Variants in AUTS2 observed in about 807,000 individuals in gnomAD.
AUTS2 encodes activator of transcription and developmental regulator AUTS2, also known as autism susceptibility gene 2 protein.
Under a neutral mutation model 112.4 loss-of-function variants are expected in AUTS2, and 17 were observed. The observed-to-expected ratio is 0.15, with a 90% CI of 0.10 to 0.23. The LOEUF (loss-of-function observed/expected upper bound fraction) is 0.23, where lower values mean the gene tolerates loss of function less well. AUTS2 is among the 10% of genes least tolerant of loss of function. The pLI, the probability that AUTS2 is intolerant of heterozygous loss-of-function variation, is 1.00. For missense variants in AUTS2, 1,510 were observed against 1,701.6 expected (o/e 0.89, Z 1.98); for synonymous variants, 751 against 702.7 (o/e 1.07, Z -1.09).
chr7:70,559,767 T>G (rs961619861), intron 5 of AUTS2, among the ~76,000 whole-genome samples: 11 of 152,202 alleles, frequency 7.2e-5, no homozygotes, highest in Non-Finnish European at 5.9e-5. Flanking sequence ...TCTGGATTCC[T>G]AACCTCCTTA....
intron 5 of AUTS2, among the ~76,000 whole-genome samples, chr7:70,592,661 T>C (rs1403353535): frequency 1.3e-5 from 2 of 152,000 alleles, no homozygotes; most frequent in African/African-American, 2.4e-5. Flanking sequence ...CCACGTCCAC[T>C]GCCTGCCTGT....
At chr7:70,681,648 C>A (rs1279307793) in intron 5 of AUTS2, among the ~76,000 whole-genome samples, 1 of 152,160 alleles carries the variant, frequency 6.6e-6, no homozygotes, top group South Asian at 2.1e-4. Flanking sequence ...CAGAATTAAA[C>A]GTAGTTGCCT....
chr7:69,695,469 T>A (rs900253657), intron 1 of AUTS2, among the ~76,000 whole-genome samples: 12 of 152,192 alleles, frequency 7.9e-5, no homozygotes, highest in African/African-American at 1.2e-4. Flanking sequence ...AAAAAATTAT[T>A]AACTGTTTGA....
intron 5 of AUTS2, among the ~76,000 whole-genome samples, chr7:70,497,600 A>G (rs939237394): frequency 3.3e-5 from 5 of 152,194 alleles, no homozygotes; most frequent in African/African-American, 1.2e-4. Context: ...TTCTTCCTAC[A>G]TGTTATTTGA....
chr7:70,110,535 C>G (rs1298546766), intron 2 of AUTS2, among the ~76,000 whole-genome samples: 1 of 152,074 alleles, frequency 6.6e-6, no homozygotes, highest in African/African-American at 2.4e-5. Context: ...AATAAATAAA[C>G]AAATAAATAA....
intron 5 of AUTS2, among the ~76,000 whole-genome samples, chr7:70,450,023 T>A (rs1474220330): frequency 6.6e-6 from 1 of 152,220 alleles, no homozygotes; most frequent in Non-Finnish European, 1.5e-5. Context: ...GTGGTCAACC[T>A]GGAGAATCCA....
chr7:70,667,200 C>G (rs1444613318), intron 5 of AUTS2, among the ~76,000 whole-genome samples: 1 of 152,116 alleles, frequency 6.6e-6, no homozygotes, highest in Non-Finnish European at 1.5e-5. Context: ...ATTAACTGCA[C>G]CAGGGCTTCG....
At chr7:70,418,421 A>T (rs1372272282) in intron 4 of AUTS2, among the ~76,000 whole-genome samples, 2 of 152,198 alleles carry the variant, frequency 1.3e-5, no homozygotes, top group Non-Finnish European at 2.9e-5. Context: ...CATTTTACGG[A>T]TGAGGAAGCA....
intron 4 of AUTS2, among the ~76,000 whole-genome samples, chr7:70,323,200 G>A (rs1464916304): frequency 6.6e-6 from 1 of 152,204 alleles, no homozygotes; most frequent in Admixed American, 6.5e-5. Flanking sequence ...AAATTGCTTG[G>A]TTTCTACAGT....
At chr7:70,599,064 T>G (rs573421802) in intron 5 of AUTS2, among the ~76,000 whole-genome samples, 1 of 152,370 alleles carries the variant, frequency 6.6e-6, no homozygotes, top group East Asian at 1.9e-4. Context: ...TTCATCTTTC[T>G]TCCCACCGTC....
At position 70,519,694 on chromosome 7, in the gene AUTS2, A is replaced by T. The variant is rs560001781; in HGVS notation, c.690+83913A>T. The stretch of plus-strand genomic sequence containing the variant: ...ATGAATAATACAGATTCTGCATTGG[A>T]TCTGTATTGGATGGAGGAAATTGAG... On this transcript the variant is annotated intron_variant, in intron 5 of 18. Transcript: ENST00000342771. Among the ~76,000 whole-genome samples, 3 of 152,248 alleles carry T rather than the reference A, an allele frequency of 2.0e-5. No homozygotes were observed. In the East Asian group the frequency reaches 5.8e-4, roughly 29 times the overall value.
At chr7:70,073,065 C>T (rs1584677330) in intron 2 of AUTS2, among the ~76,000 whole-genome samples, 1 of 131,530 alleles carries the variant, frequency 7.6e-6, no homozygotes, top group Non-Finnish European at 1.6e-5. Context: ...CCCTCCCTTC[C>T]CCTCCCCTCT....
At chr7:70,025,556 A>G (rs1354443166) in intron 2 of AUTS2, among the ~76,000 whole-genome samples, 1 of 148,414 alleles carries the variant, frequency 6.7e-6, no homozygotes, top group South Asian at 2.1e-4. Context: ...GGTTCAAGTG[A>G]TTCTCCTGCC....
chr7:70,081,971 C>T (rs1389865917), intron 2 of AUTS2, among the ~76,000 whole-genome samples: 3 of 148,550 alleles, frequency 2.0e-5, no homozygotes, highest in Non-Finnish European at 4.5e-5. Context: ...TGTGTGCGCG[C>T]GCCTGTGTGT....
chr7:70,515,593 G>A lies in AUTS2; in HGVS notation c.690+79812G>A, dbSNP rs183884375. On this transcript the variant is annotated intron_variant, in intron 5 of 18. Coordinates refer to ENST00000342771, the MANE Select transcript of AUTS2 (RefSeq NM_015570.4). The stretch of plus-strand genomic sequence containing the variant: ...ATGTCCAGTTAGATTTCCCTTCAAC[G>A]AGACCCAGGGGGACATTCTGCCAGC... Among the ~76,000 whole-genome samples, 413 of 152,160 alleles carry A rather than the reference G, an allele frequency of 2.7e-3. 1 individual carries two copies. The highest frequency in any genetic ancestry group is 6.9e-3 in the Admixed American group (106 of 15,278).
In AUTS2 at chr7:70,134,536, A is replaced by T; in HGVS notation, c.625A>T (p.Ser209Cys). ...CTTTTGTCTTTATGCTTTATTGCAG[A>T]GTTCAGCTCCTTCCAGCTTGGGAAC... ...RSSSRERLSD[S>C]SAPSSLGTGY... The change falls in exon 4 of 19, where the codon AGT becomes TGT. Residue 209 changes from serine to cysteine, a missense_variant and splice_region_variant. By Grantham distance (112) the Ser-to-Cys change is moderately radical. Coordinates refer to ENST00000342771, the MANE Select transcript of AUTS2 (RefSeq NM_015570.4). The T allele has an allele frequency of 6.2e-7, 1 of 1,613,788 alleles. No homozygotes were observed. Among genetic ancestry groups the T allele is most frequent in the Non-Finnish European group, 8.5e-7 (1 of 1,179,714 alleles).
At chr7:69,846,155 A>G (rs899205049) in intron 1 of AUTS2, among the ~76,000 whole-genome samples, 42 of 150,492 alleles carry the variant, frequency 2.8e-4, no homozygotes, top group African/African-American at 1.0e-3. Flanking sequence ...TTTTGCTTCT[A>G]GGCATATTGA....
chr7:70,065,264 A>G lies in AUTS2; in HGVS notation c.523-52868A>G, dbSNP rs1049057033. Among the ~76,000 whole-genome samples, 9 of 152,282 alleles carry G rather than the reference A, an allele frequency of 5.9e-5. No individual in the cohort carries two copies. In the East Asian group the frequency reaches 1.3e-3, roughly 23 times the overall value. On this transcript the variant is annotated intron_variant, in intron 2 of 18. Transcript: ENST00000342771. ...TCCCTCCTACCATGATAAAAAGGAT[A>G]TTGAATGGCCAAACCAGTGCATTAC...
chr7:70,133,184 T>C (rs1296515140), intron 3 of AUTS2, among the ~76,000 whole-genome samples: 2 of 152,216 alleles, frequency 1.3e-5, no homozygotes, highest in Admixed American at 1.3e-4. Context: ...AGTTTTGCTT[T>C]GGGAGCTGCA....
Sources: allele counts gnomAD v4.1 joint callset (sites outside exome capture counted in the v4.1 genomes callset), GRCh38; gene constraint gnomAD v4.1.1; transcripts MANE v1.5; gene names NCBI Gene and HGNC (gene_info 2026-07-23, HGNC 2026-07-21).